Variants in CALN1 observed in about 807,000 individuals in gnomAD.
CALN1 encodes the protein calneuron 1, also known as calcium-binding protein 8.
CALN1 carries 17 observed loss-of-function variants against 30.6 expected under a neutral mutation model. The observed-to-expected ratio is 0.56, with a 90% CI of 0.38 to 0.83. The LOEUF is 0.83. Ranked by LOEUF, CALN1 falls within the 40% of genes least tolerant of loss-of-function variation. The pLI is 0.00. For synonymous variants in CALN1, 156 were observed against 131.4 expected, an observed-to-expected ratio of 1.19 and a Z score of -1.28; for missense variants, 291 against 354.9, an observed-to-expected ratio of 0.82 and a Z score of 1.45.
chr7:72,195,867 T>C (rs116359630), intron 3 of CALN1, among the ~76,000 whole-genome samples: 95 of 152,230 alleles, frequency 6.2e-4, no homozygotes, highest in African/African-American at 2.1e-3. Flanking sequence ...AAACAAAATA[T>C]TGGTATATCT....
At chr7:72,329,679 C>T (rs536200473) in intron 2 of CALN1, among the ~76,000 whole-genome samples, 10 of 152,324 alleles carry the variant, frequency 6.6e-5, no homozygotes, top group East Asian at 1.9e-4. Flanking sequence ...CTTGGTTGGG[C>T]GCGGTGGCTC....
intron 2 of CALN1, among the ~76,000 whole-genome samples, chr7:72,354,444 G>T (rs1297229734): frequency 6.6e-6 from 1 of 152,082 alleles, no homozygotes; most frequent in African/African-American, 2.4e-5. Flanking sequence ...AATTTGACAA[G>T]CTGGTTTAAA....
chr7:71,885,444 C>G (rs1328954042), intron 5 of CALN1, among the ~76,000 whole-genome samples: 1 of 152,150 alleles, frequency 6.6e-6, no homozygotes, highest in Non-Finnish European at 1.5e-5. Context: ...GAGCCACCGC[C>G]CCCAGCCGCC....
chr7:72,297,938 C>T (rs939051427), intron 2 of CALN1, among the ~76,000 whole-genome samples: 3 of 152,176 alleles, frequency 2.0e-5, no homozygotes, highest in Non-Finnish European at 2.9e-5. Context: ...AAGTTTCTCA[C>T]ACAGTTGACA....
chr7:71,981,557 G>C (rs1798393975), intron 5 of CALN1, among the ~76,000 whole-genome samples: 1 of 152,096 alleles, frequency 6.6e-6, no homozygotes, highest in African/African-American at 2.4e-5. Context: ...AGGAGGATGA[G>C]GCACAATAAT....
intron 3 of CALN1, among the ~76,000 whole-genome samples, chr7:72,228,354 C>T (rs1394566193): frequency 6.6e-6 from 1 of 151,740 alleles, no homozygotes; most frequent in Admixed American, 6.6e-5. Context: ...GTTTAAATGT[C>T]TGGCTTCCCC....
intron 5 of CALN1, among the ~76,000 whole-genome samples, chr7:71,832,970 C>G (rs1584325375): frequency 6.6e-6 from 1 of 152,172 alleles, no homozygotes; most frequent in South Asian, 2.1e-4. Context: ...ATGTCTTGAT[C>G]CTCTGTATGC....
At chr7:71,970,174 A>C (rs1411905490) in intron 5 of CALN1, among the ~76,000 whole-genome samples, 1 of 152,170 alleles carries the variant, frequency 6.6e-6, no homozygotes, top group African/African-American at 2.4e-5. Context: ...AATGGGGCAC[A>C]GAACAGATAC....
intron 3 of CALN1, among the ~76,000 whole-genome samples, chr7:72,160,644 T>TA (rs1585063856): frequency 6.6e-6 from 1 of 152,178 alleles, no homozygotes; most frequent in Non-Finnish European, 1.5e-5. Flanking sequence ...ACAACATGGA[T>TA]ATTTGTGGAT....
chr7:72,023,746 C>T lies in CALN1; in HGVS notation c.412G>A (p.Glu138Lys). The T allele has an allele frequency of 6.2e-7, 1 of 1,613,854 alleles. No homozygotes were observed. Among genetic ancestry groups the T allele is most frequent in the Non-Finnish European group, 8.5e-7 (1 of 1,179,892 alleles). ...MDGDGQVDFDEFMTILGPKLV... is the reference protein window; with the variant it reads ...MDGDGQVDFDKFMTILGPKLV... ...TTGGGGCCAAGAATGGTCATGAATT[C>T]ATCAAAATCCACCTGGCCATCCCCT... Residue 138 changes from glutamate to lysine, a missense_variant, in exon 5 of 7, where the codon GAA becomes AAA. By Grantham distance (56) the Glu-to-Lys change is moderately conservative. Around this residue, in one of 2 missense-constraint regions of CALN1, gnomAD observed 169 missense variants for 251.7 expected, o/e 0.67. Coordinates refer to ENST00000395275, the MANE Select transcript of CALN1 (RefSeq NM_031468.4).
At chr7:72,357,624 C>T (rs528441558) in intron 2 of CALN1, among the ~76,000 whole-genome samples, 1 of 151,642 alleles carries the variant, frequency 6.6e-6, no homozygotes, top group African/African-American at 2.4e-5. Flanking sequence ...GAATCAGAAT[C>T]TACAAAAGCG....
chr7:71,851,832 G>A (rs1314389821), intron 5 of CALN1, among the ~76,000 whole-genome samples: 3 of 152,170 alleles, frequency 2.0e-5, no homozygotes, highest in African/African-American at 4.8e-5. Context: ...AAATGTGTCT[G>A]TGAACTGACA....
intron 2 of CALN1, among the ~76,000 whole-genome samples, chr7:72,329,761 G>A (rs1420357329): frequency 6.6e-6 from 1 of 150,994 alleles, no homozygotes; most frequent in Non-Finnish European, 1.5e-5. Flanking sequence ...CGAGACCAGC[G>A]CGGCCAACAT....
chr7:72,317,076 C>CAGAGAGAGAGAGAG (rs1554367041), intron 2 of CALN1, among the ~76,000 whole-genome samples: 3 of 91,822 alleles, frequency 3.3e-5, no homozygotes, highest in African/African-American at 1.0e-4. Context: ...AAGAGAGACA[C>CAGAGAGAGAGAGAG]AGAAAGAGAG....
chr7:72,309,696 G>A (rs190941041), intron 2 of CALN1, among the ~76,000 whole-genome samples: 60 of 152,230 alleles, frequency 3.9e-4, no homozygotes, highest in East Asian at 5.8e-4. Context: ...GTGCACTGTC[G>A]TCTCCTGTCC....
chr7:72,161,682 C>T (rs1788121052), intron 3 of CALN1, among the ~76,000 whole-genome samples: 1 of 151,834 alleles, frequency 6.6e-6, no homozygotes, highest in Admixed American at 6.6e-5. Context: ...ATTCTTGTAC[C>T]GCATGTTCTC....
intron 5 of CALN1, among the ~76,000 whole-genome samples, chr7:71,869,013 T>G (rs1562857079): frequency 6.6e-6 from 1 of 152,082 alleles, no homozygotes; most frequent in East Asian, 1.9e-4. Context: ...GGTCTCCTTT[T>G]TAAGAACAAG....
At chr7:72,167,030 T>C (rs1788574890) in intron 3 of CALN1, among the ~76,000 whole-genome samples, 1 of 151,108 alleles carries the variant, frequency 6.6e-6, no homozygotes, top group Admixed American at 6.6e-5. Context: ...CAAGACCCTG[T>C]CTCAAGGAAA....
chr7:72,469,035 A>G, the CALN1 span, among the ~76,000 whole-genome samples: 1 of 152,152 alleles, frequency 6.6e-6, no homozygotes, highest in Non-Finnish European at 1.5e-5. Flanking sequence ...AATGACCTTC[A>G]ATGCCCAAAA....
Sources: allele counts gnomAD v4.1 joint callset (sites outside exome capture counted in the v4.1 genomes callset), GRCh38; gene constraint gnomAD v4.1.1; regional missense constraint gnomAD v4.1.1; transcripts MANE v1.5; gene names NCBI Gene and HGNC (gene_info 2026-07-23, HGNC 2026-07-21).